Variants in SUGCT observed in about 807,000 individuals in gnomAD.
SUGCT encodes succinyl-CoA:glutarate-CoA transferase, also known as succinyl-CoA:glutarate CoA-transferase.
SUGCT carries 41 observed loss-of-function variants against 55.0 expected under a neutral mutation model. The observed-to-expected ratio is 0.74, with a 90% CI of 0.58 to 0.97. The LOEUF is 0.97. SUGCT is among the 50% of genes least tolerant of loss of function. The pLI is 0.00. For synonymous variants in SUGCT, 187 were observed against 200.4 expected (o/e 0.93, Z 0.56); for missense variants, 568 against 547.8 (o/e 1.04, Z -0.37).
chr7:40,948,823 A>G, the SUGCT span, among the ~76,000 whole-genome samples: 3 of 152,110 alleles, frequency 2.0e-5, no homozygotes, highest in Non-Finnish European at 4.4e-5. Flanking sequence ...CATGGTGTAT[A>G]TGTGCCACAT....
At chr7:40,138,065 C>T (rs911552717) in intron 1 of SUGCT, among the ~76,000 whole-genome samples, 2 of 152,134 alleles carry the variant, frequency 1.3e-5, no homozygotes, top group African/African-American at 4.8e-5. Context: ...GGGGTGAAGT[C>T]AGGGCCTTCA....
intron 7 of SUGCT, among the ~76,000 whole-genome samples, chr7:40,250,185 C>T (rs1279622686): frequency 6.6e-6 from 1 of 152,038 alleles, no homozygotes; most frequent in Non-Finnish European, 1.5e-5. Context: ...ATTGCTTCAG[C>T]TCAGGAGTTC....
intron 12 of SUGCT, chr7:40,684,114 A>C: frequency 1.2e-6 from 2 of 1,609,506 alleles, no homozygotes; most frequent in Non-Finnish European, 1.7e-6. Context: ...CCCTTCCTTC[A>C]TCTTCAAGGA....
chr7:40,459,053 A>T, intron 10 of SUGCT, 48 bp from the exon 11 acceptor site: 1 of 1,270,588 alleles, frequency 7.9e-7, no homozygotes, highest in Non-Finnish European at 1.1e-6. Flanking sequence ...ACAGGCAGGT[A>T]CAAGAACTAC....
chr7:40,954,009 G>T, the SUGCT span, among the ~76,000 whole-genome samples: 126 of 152,354 alleles, frequency 8.3e-4, no homozygotes, highest in African/African-American at 2.9e-3. Flanking sequence ...GTCTGCAGAG[G>T]TTTCTGCTGC....
intron 13 of SUGCT, 137 bp downstream of exon 13, chr7:40,749,634 A>AATCCTAGGAC: frequency 1.4e-6 from 1 of 702,730 alleles, no homozygotes; most frequent in Admixed American, 2.4e-5. Context: ...GTAAAAGGGG[A>AATCCTAGGAC]ATCCTAGGAC....
intron 9 of SUGCT, among the ~76,000 whole-genome samples, chr7:40,409,566 G>T (rs966080240): frequency 6.6e-6 from 1 of 152,066 alleles, no homozygotes; most frequent in African/African-American, 2.4e-5. Flanking sequence ...GGCCCCTGTT[G>T]TCTCTTACTA....
the SUGCT span, among the ~76,000 whole-genome samples, chr7:40,990,218 C>T: frequency 6.6e-6 from 1 of 152,216 alleles, no homozygotes; most frequent in African/African-American, 2.4e-5. Context: ...GGCACAAAAA[C>T]GACATTAATC....
chr7:40,619,312 A>G (rs1178718097), intron 12 of SUGCT, among the ~76,000 whole-genome samples: 1 of 152,196 alleles, frequency 6.6e-6, no homozygotes. Flanking sequence ...TAATGTTTGT[A>G]TTATTGTCTT....
chr7:40,214,041 G>A (rs1340915786), intron 6 of SUGCT, among the ~76,000 whole-genome samples: 1 of 152,150 alleles, frequency 6.6e-6, no homozygotes, highest in Non-Finnish European at 1.5e-5. Context: ...TGAAACTGAA[G>A]TCACACAGTG....
In SUGCT at chr7:40,668,345, G is replaced by A. The variant is rs562722882; in HGVS notation, c.1090-81089G>A. On this transcript the variant is annotated intron_variant, in intron 12 of 13. Transcript: ENST00000335693. ...ATCTTTATTTTTATTTTATTCCTTT[G>A]TAGATAATCTTCTAATTTATATATG... Among the ~76,000 whole-genome samples, 3 of 151,958 alleles carry A rather than the reference G, an allele frequency of 2.0e-5. No individual in the cohort carries two copies. The East Asian group carries it at 5.8e-4, about 29-fold the overall frequency.
chr7:40,466,040 C>G (rs1360582210), intron 11 of SUGCT, among the ~76,000 whole-genome samples: 1 of 152,038 alleles, frequency 6.6e-6, no homozygotes. Context: ...AGCCACCATG[C>G]CTGCTTAATT....
At chr7:40,986,242 C>G in the SUGCT span, among the ~76,000 whole-genome samples, 2 of 152,030 alleles carry the variant, frequency 1.3e-5, no homozygotes, top group African/African-American at 2.4e-5. Context: ...TTTAAGAACC[C>G]CTTTCAAACA....
intron 12 of SUGCT, among the ~76,000 whole-genome samples, chr7:40,675,503 C>G (rs1036981476): frequency 6.6e-6 from 1 of 152,100 alleles, no homozygotes; most frequent in African/African-American, 2.4e-5. Context: ...ATGCTAGGCT[C>G]AGAGAGAGAC....
chr7:40,174,865 G>A (rs770616877), intron 1 of SUGCT, among the ~76,000 whole-genome samples: 2 of 152,128 alleles, frequency 1.3e-5, no homozygotes, highest in Non-Finnish European at 2.9e-5. Context: ...GTTACTGATT[G>A]ATATTCCACA....
chr7:40,797,943 G>T (rs1372519677), intron 13 of SUGCT, among the ~76,000 whole-genome samples: 1 of 152,126 alleles, frequency 6.6e-6, no homozygotes, highest in Admixed American at 6.5e-5. Flanking sequence ...GTATTGATTA[G>T]CCACTCAGAT....
intron 12 of SUGCT, among the ~76,000 whole-genome samples, chr7:40,549,771 A>C (rs1188768415): frequency 6.6e-6 from 1 of 152,172 alleles, no homozygotes; most frequent in African/African-American, 2.4e-5. Flanking sequence ...AATATACATA[A>C]ATGTTTCTGA....
chr7:40,559,697 G>A (rs2151658878), intron 12 of SUGCT, among the ~76,000 whole-genome samples: 1 of 152,140 alleles, frequency 6.6e-6, no homozygotes, highest in African/African-American at 2.4e-5. Flanking sequence ...AAACTTTTTG[G>A]TTTTCATCTG....
intron 12 of SUGCT, among the ~76,000 whole-genome samples, chr7:40,690,951 C>T (rs1021498443): frequency 1.3e-5 from 2 of 152,200 alleles, no homozygotes; most frequent in East Asian, 3.9e-4. Context: ...CAGACACCCT[C>T]AAGGTCTGGT....
Sources: allele counts gnomAD v4.1 joint callset (sites outside exome capture counted in the v4.1 genomes callset), GRCh38; gene constraint gnomAD v4.1.1; transcripts MANE v1.5; gene names NCBI Gene and HGNC (gene_info 2026-07-23, HGNC 2026-07-21).